The following KCNK10 variants were observed in gnomAD, a reference collection of about 807,000 sequenced individuals.
KCNK10 encodes the protein potassium channel subfamily K member 10.
KCNK10 carries 25 observed loss-of-function variants against 47.7 expected under a neutral mutation model. That is an observed-to-expected ratio of 0.52 (90% CI 0.38 to 0.73). The LOEUF is 0.73. Among genes scored for constraint, KCNK10 ranks in the 30% least tolerant of loss-of-function variants. The pLI is 0.00. For synonymous variants in KCNK10, 303 were observed against 285.6 expected (o/e 1.06, Z -0.61); for missense variants, 563 against 714.5 (o/e 0.79, Z 2.42).
intron 4 of KCNK10, among the ~76,000 whole-genome samples, chr14:88,194,865 T>C (rs1884860921): frequency 6.6e-6 from 1 of 152,170 alleles, no homozygotes; most frequent in African/African-American, 2.4e-5. Context: ...CAGGGTATTT[T>C]AGGGACTTAA....
Position 88,186,246 on chromosome 14 carries a change from G to T in KCNK10, c.1012-91C>A. ...CCACAGCCCTCGGGTGTCCCCACGG[G>T]GAGGCCAGGAGGTGACGGAGCACAT... On this transcript the variant is annotated intron_variant, in intron 6 of 6. Transcript: ENST00000319231. This position sits in a 1 kb window ranked among gnomAD's most constrained non-coding sequence, Gnocchi z 5.5. 7.0e-7 allele frequency: 1 copy of T among 1,419,854 alleles called. No homozygotes were observed. Among genetic ancestry groups the T allele is most frequent in the Non-Finnish European group, 9.3e-7 (1 of 1,069,530 alleles). 88.0% of individuals were successfully genotyped at this position (1,419,854 alleles called of 1,614,324 possible).
chr14:88,219,842 G>A (rs967807047), intron 4 of KCNK10, among the ~76,000 whole-genome samples: 7 of 152,100 alleles, frequency 4.6e-5, no homozygotes, highest in South Asian at 2.1e-4. Flanking sequence ...AGTGGATGCC[G>A]ATGCCGATGG....
chr14:88,274,395 C>T (rs1004123229), intron 1 of KCNK10, among the ~76,000 whole-genome samples: 3 of 151,718 alleles, frequency 2.0e-5, no homozygotes, highest in Non-Finnish European at 4.4e-5. Flanking sequence ...AACCCTGTCT[C>T]TACTAAAAAT....
intron 4 of KCNK10, among the ~76,000 whole-genome samples, chr14:88,205,334 T>G (rs1885234226): frequency 6.6e-6 from 1 of 152,170 alleles, no homozygotes; most frequent in Non-Finnish European, 1.5e-5. Context: ...CACACAATTC[T>G]GACATTACCT....
intron 1 of KCNK10, among the ~76,000 whole-genome samples, chr14:88,317,280 C>T (rs1888447953): frequency 6.6e-6 from 1 of 152,246 alleles, no homozygotes; most frequent in East Asian, 1.9e-4. Context: ...TTTGGAAACA[C>T]GTTAATAAAG....
intron 2 of KCNK10, among the ~76,000 whole-genome samples, chr14:88,252,055 A>C (rs1886813774): frequency 6.6e-6 from 1 of 152,140 alleles, no homozygotes; most frequent in Non-Finnish European, 1.5e-5. Context: ...AAGTAGGGTC[A>C]CTATATATTT....
At chr14:88,187,782 T>C (rs1202086295) in intron 6 of KCNK10, among the ~76,000 whole-genome samples, 185 bp downstream of exon 6, 2 of 152,040 alleles carry the variant, frequency 1.3e-5, no homozygotes, top group African/African-American at 4.8e-5. Flanking sequence ...AATCCAGAAA[T>C]AACTGTATTC....
intron 1 of KCNK10, among the ~76,000 whole-genome samples, chr14:88,306,238 A>T (rs1888200374): frequency 6.6e-6 from 1 of 152,120 alleles, no homozygotes; most frequent in African/African-American, 2.4e-5. Flanking sequence ...GCACATAACC[A>T]CTACCGGAGG....
intron 2 of KCNK10, among the ~76,000 whole-genome samples, chr14:88,241,808 T>C (rs537314521): frequency 1.8e-3 from 278 of 152,276 alleles, no homozygotes; most frequent in African/African-American, 6.4e-3. Flanking sequence ...CCCGAGTTCA[T>C]ACTTCGGCAA....
intron 4 of KCNK10, among the ~76,000 whole-genome samples, chr14:88,222,268 A>G (rs1885839328): frequency 6.6e-6 from 1 of 152,202 alleles, no homozygotes; most frequent in Admixed American, 6.5e-5. Context: ...GGTCCCTCCC[A>G]CAACACATGG....
rs769588639 is a variant in KCNK10 at position 88,186,175 on chromosome 14, G to C, written c.1012-20C>G. On this transcript the variant is annotated intron_variant, in intron 6 of 6. Coordinates refer to ENST00000319231, the MANE Select transcript of KCNK10 (RefSeq NM_138317.3). The surrounding 1 kb of genome is among the most constrained non-coding windows in gnomAD (Gnocchi z 5.5). The stretch of plus-strand genomic sequence containing the variant: ...ACCCACCTGGCCAAGAGACAGAAGA[G>C]CAACAATATGCTGACAAATGCCTCC... The C allele has an allele frequency of 3.2e-6, 5 of 1,551,656 alleles. No homozygotes were observed. The highest frequency in any genetic ancestry group is 4.4e-6 in the Non-Finnish European group (5 of 1,148,482).
chr14:88,314,898 C>A (rs886433738), intron 1 of KCNK10, among the ~76,000 whole-genome samples: 7 of 152,122 alleles, frequency 4.6e-5, no homozygotes, highest in African/African-American at 1.7e-4. Context: ...ATGAAGATAC[C>A]AAGTCACAGA....
At chr14:88,269,738 G>C (rs1595115996) in intron 1 of KCNK10, among the ~76,000 whole-genome samples, 3 of 152,264 alleles carry the variant, frequency 2.0e-5, no homozygotes, top group Admixed American at 2.0e-4. Flanking sequence ...CACCCAGCCA[G>C]TGAACCTGTT....
intron 4 of KCNK10, among the ~76,000 whole-genome samples, chr14:88,208,499 C>A (rs888431265): frequency 6.6e-6 from 1 of 152,106 alleles, no homozygotes; most frequent in African/African-American, 2.4e-5. Context: ...TGAAGAGCAG[C>A]AGAGTCAAGA....
At chr14:88,323,880 G>T (rs559321238), upstream of KCNK10, among the ~76,000 whole-genome samples, 6 of 152,104 alleles carry the variant, frequency 3.9e-5, no homozygotes, top group South Asian at 1.2e-3. Context: ...TGGCTCTCTC[G>T]CCTGAGTCCC....
chr14:88,236,687 T>C (rs1035210449), intron 3 of KCNK10, among the ~76,000 whole-genome samples: 3 of 152,276 alleles, frequency 2.0e-5, no homozygotes, highest in African/African-American at 7.2e-5. Context: ...TCACACATTT[T>C]CTTTTTTGTT....
intron 3 of KCNK10, among the ~76,000 whole-genome samples, chr14:88,230,467 G>A (rs1197945375): frequency 6.6e-6 from 1 of 152,238 alleles, no homozygotes; most frequent in Non-Finnish European, 1.5e-5. Flanking sequence ...GGCATTTAAA[G>A]AGGACTTGTG....
At chr14:88,216,372 C>T (rs979365247) in intron 4 of KCNK10, among the ~76,000 whole-genome samples, 17 of 152,096 alleles carry the variant, frequency 1.1e-4, no homozygotes, top group Non-Finnish European at 4.4e-5. Context: ...TTAACTAGGG[C>T]GATTTTGCCC....
rs147464226 is a variant in KCNK10 at position 88,189,772 on chromosome 14, T to G, written c.869-1663A>C. Among the ~76,000 whole-genome samples the G allele has an allele frequency of 4.4e-4, 67 of 152,302 alleles. 1 individual carries two copies. In the East Asian group the frequency reaches 0.011, roughly 25 times the overall value. On this transcript the variant is annotated intron_variant, in intron 5 of 6. Coordinates refer to ENST00000319231, the MANE Select transcript of KCNK10 (RefSeq NM_138317.3). Reference sequence around the variant, plus strand: ...GTCGAATCACAGCAACCATCAACTCTTGTTAATGTATCGTTTTCCAATGAT... The same window carrying G: ...GTCGAATCACAGCAACCATCAACTCGTGTTAATGTATCGTTTTCCAATGAT...
Sources: gnomAD v4.1 joint callset for allele counts (sites outside exome capture counted in the v4.1 genomes callset) on GRCh38, gnomAD v4.1.1 for gene constraint, Gnocchi (gnomAD v3.1) non-coding constraint, MANE v1.5 for transcripts, NCBI Gene and HGNC (gene_info 2026-07-23, HGNC 2026-07-21) for gene names.